The following TAF1B variants were observed in gnomAD, a reference collection of about 807,000 sequenced individuals.
TAF1B encodes TATA-box binding protein associated factor, RNA polymerase I subunit B.
TAF1B carries 61 observed loss-of-function variants against 83.9 expected under a neutral mutation model. The ratio of observed to expected loss-of-function variants is 0.73; its 90% CI spans 0.59 to 0.90. The LOEUF (loss-of-function observed/expected upper bound fraction) is 0.90. TAF1B is among the 40% of genes least tolerant of loss of function. TAF1B has a pLI of 0.00. For missense variants in TAF1B, 625 were observed against 677.0 expected (o/e 0.92, Z 0.85); for synonymous variants, 221 against 224.6 (o/e 0.98, Z 0.14).
intron 8 of TAF1B, among the ~76,000 whole-genome samples, chr2:9,887,101 T>A (rs1215406477): frequency 6.6e-6 from 1 of 151,760 alleles, no homozygotes; most frequent in Non-Finnish European, 1.5e-5. Context: ...CTATGGGGAG[T>A]GTGGTAAGAA....
intron 6 of TAF1B, among the ~76,000 whole-genome samples, chr2:9,872,596 T>G (rs569653101): frequency 6.6e-6 from 1 of 152,212 alleles, no homozygotes; most frequent in Non-Finnish European, 1.5e-5. Context: ...TTGTCACCTT[T>G]TTCATGTTAT....
intron 8 of TAF1B, among the ~76,000 whole-genome samples, chr2:9,893,038 T>G (rs1270977044): frequency 6.6e-6 from 1 of 152,242 alleles, no homozygotes; most frequent in Non-Finnish European, 1.5e-5. Flanking sequence ...AAATTACATC[T>G]TGGTAGCAAC....
At chr2:9,850,526 C>T (rs192972908) in intron 3 of TAF1B, among the ~76,000 whole-genome samples, 3 of 152,214 alleles carry the variant, frequency 2.0e-5, no homozygotes, top group Admixed American at 2.0e-4. Flanking sequence ...AATTCGAGAC[C>T]CTTTCTGGGA....
chr2:9,892,211 A>G (rs892319595), intron 8 of TAF1B, among the ~76,000 whole-genome samples: 1 of 152,216 alleles, frequency 6.6e-6, no homozygotes, highest in African/African-American at 2.4e-5. Context: ...AGTATATAAC[A>G]TGCAATACAT....
intron 7 of TAF1B, among the ~76,000 whole-genome samples, chr2:9,878,299 C>A (rs991368321): frequency 2.0e-5 from 3 of 150,558 alleles, no homozygotes; most frequent in African/African-American, 7.4e-5. Flanking sequence ...TGGTCTCAAA[C>A]TTCTGGCCTC....
chr2:9,909,448 G>GTTTC (rs1305748812), intron 9 of TAF1B, among the ~76,000 whole-genome samples: 1 of 152,250 alleles, frequency 6.6e-6, no homozygotes, highest in Non-Finnish European at 1.5e-5. Context: ...ATGGGGGAAA[G>GTTTC]AAACTGGCTT....
Position 9,913,246 on chromosome 2 carries a change from C to G in TAF1B, c.1268C>G (p.Ala423Gly). The part of the protein sequence containing the change: ...EKKQKWEEAR[A>G]KYLWKSEKPL... ...AAACAAAAATGGGAAGAAGCAAGGGCCAAGTATGTTCTCCTTCCTGGTTTA... is the reference window on the plus strand; with the variant it reads ...AAACAAAAATGGGAAGAAGCAAGGGGCAAGTATGTTCTCCTTCCTGGTTTA... Residue 423 changes from alanine to glycine, a missense_variant, in exon 12 of 15, where the codon GCC becomes GGC. By Grantham distance (60) the Ala-to-Gly change is moderately conservative. Coordinates refer to ENST00000263663, the MANE Select transcript of TAF1B (RefSeq NM_005680.3). The G allele has an allele frequency of 6.2e-7, 1 of 1,612,104 alleles. No individual in the cohort carries two copies. The highest frequency in any genetic ancestry group is 8.5e-7 in the Non-Finnish European group (1 of 1,178,662).
intron 5 of TAF1B, among the ~76,000 whole-genome samples, chr2:9,863,826 AC>A (rs1168579258): frequency 2.0e-5 from 3 of 152,244 alleles, no homozygotes; most frequent in African/African-American, 4.8e-5. Context: ...TGGAAACTGA[AC>A]AACCTGTTCC....
chr2:9,852,463 T>C (rs2125135994), intron 4 of TAF1B, among the ~76,000 whole-genome samples: 1 of 152,202 alleles, frequency 6.6e-6, no homozygotes, highest in Middle Eastern at 3.4e-3. Flanking sequence ...GTGAAATGAA[T>C]AGACATGAAT....
intron 14 of TAF1B, among the ~76,000 whole-genome samples, chr2:9,929,498 G>A (rs777802438): frequency 7.9e-5 from 12 of 152,220 alleles, no homozygotes; most frequent in East Asian, 3.9e-4. Context: ...ATTGATTTGC[G>A]TATGTTGAAC....
intron 8 of TAF1B, among the ~76,000 whole-genome samples, chr2:9,891,523 T>A (rs1373394318): frequency 2.6e-5 from 4 of 152,204 alleles, no homozygotes; most frequent in African/African-American, 7.2e-5. Context: ...TTACTGTTAC[T>A]GGTTTATGTA....
At chr2:9,904,352 G>A (rs184416650) in intron 8 of TAF1B, among the ~76,000 whole-genome samples, 1 of 152,304 alleles carries the variant, frequency 6.6e-6, no homozygotes, top group East Asian at 1.9e-4. Flanking sequence ...AGTGAGAAAT[G>A]CAGTATTTGG....
chr2:9,889,014 C>CTGG (rs1190788955), intron 8 of TAF1B, among the ~76,000 whole-genome samples: 1 of 151,666 alleles, frequency 6.6e-6, no homozygotes, highest in Non-Finnish European at 1.5e-5. Context: ...GTGGGCCAGG[C>CTGG]TGGTCTCGAA....
At position 9,916,305 on chromosome 2, in the gene TAF1B, G is replaced by A. The variant is rs535145642; in HGVS notation, c.1272-2736G>A. ...GTAACTGGAAAACATGGTTTGTGAT[G>A]TGTCTCCTTTTGTAGTTTTATGTAA... On this transcript the variant is annotated intron_variant, in intron 12 of 14. Transcript: ENST00000263663. Among the ~76,000 whole-genome samples the A allele has an allele frequency of 3.3e-5, 5 of 152,356 alleles. No homozygotes were observed. In the South Asian group the frequency reaches 1.0e-3, roughly 32 times the overall value.
rs1665517965 is a variant in TAF1B, at chr2:9,911,045, TTA to T, written c.1133+136_1133+137del. 4 of 713,498 alleles carry T rather than the reference TTA, an allele frequency of 5.6e-6. No individual in the cohort carries two copies. The East Asian group carries it at 1.1e-4, about 20-fold the overall frequency. The allele number at this position is 713,498 out of a possible 1,614,324, so 44.2% of individuals were successfully genotyped here. Reference sequence around the variant, plus strand: ...AAAAATTTGTACTGTATTTACCTAATTATATGTTATCTCAAAAAATGGAGACT... The same window carrying T: ...AAAAATTTGTACTGTATTTACCTAATTATGTTATCTCAAAAAATGGAGACT... On this transcript the variant is annotated intron_variant, in intron 10 of 14. Transcript: ENST00000263663.
intron 14 of TAF1B, among the ~76,000 whole-genome samples, chr2:9,925,664 C>A (rs973840782): frequency 5.9e-5 from 9 of 151,638 alleles, no homozygotes; most frequent in African/African-American, 2.2e-4. Flanking sequence ...TCACTGCGAC[C>A]TCCCTGGGTT....
chr2:9,912,650 C>T (rs1665568074), intron 11 of TAF1B, among the ~76,000 whole-genome samples: 1 of 152,178 alleles, frequency 6.6e-6, no homozygotes, highest in Non-Finnish European at 1.5e-5. Context: ...ATGCTGTCAG[C>T]AGGGCAAAGA....
At chr2:9,883,737 A>G (rs924681492) in intron 8 of TAF1B, among the ~76,000 whole-genome samples, 2 of 152,274 alleles carry the variant, frequency 1.3e-5, no homozygotes, top group South Asian at 2.1e-4. Flanking sequence ...AGGATGGCAC[A>G]ATAGGTGCTT....
chr2:9,845,503 G>A, intron 2 of TAF1B, 185 bp downstream of exon 2: 1 of 487,742 alleles, frequency 2.1e-6, no homozygotes, highest in South Asian at 2.5e-5. Context: ...TTAGATTGAG[G>A]ATGAGTTTTT....
Sources: gnomAD v4.1 joint callset for allele counts (sites outside exome capture counted in the v4.1 genomes callset) on GRCh38, gnomAD v4.1.1 for gene constraint, MANE v1.5 for transcripts, NCBI Gene and HGNC (gene_info 2026-07-23, HGNC 2026-07-21) for gene names.